SYT1: variants seen among roughly 807,000 people sequenced by gnomAD.
SYT1 encodes synaptotagmin 1, also known as synaptotagmin-1.
A neutral mutation model predicts 44.8 loss-of-function variants in SYT1; 8 were observed. That is an observed-to-expected ratio of 0.18 (90% CI 0.10 to 0.32). SYT1 has a LOEUF of 0.32. Among genes scored for constraint, SYT1 ranks in the 10% least tolerant of loss-of-function variants. The pLI, the probability that SYT1 is intolerant of heterozygous loss-of-function variation, is 1.00. For synonymous variants in SYT1, 154 were observed against 188.8 expected (o/e 0.82, Z 1.51); for missense variants, 286 against 509.3 (o/e 0.56, Z 4.22).
intron 3 of SYT1, among the ~76,000 whole-genome samples, chr12:79,067,433 T>C (rs753887232): frequency 8.5e-4 from 130 of 152,146 alleles, no homozygotes; most frequent in South Asian, 4.1e-4. Flanking sequence ...TAGGAAACTA[T>C]ATCTATATAA....
At chr12:78,983,659 A>G (rs990680362) in intron 2 of SYT1, among the ~76,000 whole-genome samples, 23 of 152,122 alleles carry the variant, frequency 1.5e-4, no homozygotes, top group South Asian at 8.3e-4. Context: ...TTGTGTACAC[A>G]TATAAATGTC....
chr12:79,354,041 C>T (rs536575371), intron 9 of SYT1, among the ~76,000 whole-genome samples: 62 of 152,210 alleles, frequency 4.1e-4, no homozygotes, highest in African/African-American at 1.2e-3. Context: ...ATAGTTCCTA[C>T]GATACCATTT....
intron 8 of SYT1, among the ~76,000 whole-genome samples, chr12:79,339,128 TAC>T (rs781299775): frequency 6.6e-6 from 1 of 152,196 alleles, no homozygotes; most frequent in Admixed American, 6.5e-5. Flanking sequence ...GCAATAAACA[TAC>T]GTGTGCATGT....
chr12:78,967,518 G>A (rs1372072130), intron 1 of SYT1, among the ~76,000 whole-genome samples: 1 of 152,196 alleles, frequency 6.6e-6, no homozygotes, highest in Non-Finnish European at 1.5e-5. Flanking sequence ...ACAATTAGAT[G>A]TGAGAGTGGA....
At chr12:79,057,171 T>C (rs894882948) in intron 3 of SYT1, among the ~76,000 whole-genome samples, 1 of 152,102 alleles carries the variant, frequency 6.6e-6, no homozygotes, top group African/African-American at 2.4e-5. Flanking sequence ...TTCTTTTCTA[T>C]TCTGAAAGAT....
intron 9 of SYT1, among the ~76,000 whole-genome samples, chr12:79,362,840 C>A (rs961842108): frequency 1.3e-5 from 2 of 152,116 alleles, no homozygotes; most frequent in African/African-American, 4.8e-5. Context: ...CTCAAAAATT[C>A]TTTGTCAAAT....
intron 3 of SYT1, among the ~76,000 whole-genome samples, chr12:79,048,151 T>A (rs539440736): frequency 3.1e-4 from 47 of 152,014 alleles, no homozygotes; most frequent in Non-Finnish European, 6.0e-4. Context: ...TCAAACTCAA[T>A]GTTTCAAAAG....
At chr12:78,894,465 A>AC (rs1487656118) in intron 1 of SYT1, among the ~76,000 whole-genome samples, 1 of 149,942 alleles carries the variant, frequency 6.7e-6, no homozygotes, top group African/African-American at 2.4e-5. Flanking sequence ...TAACATACAC[A>AC]AAAAAAAGTC....
At chr12:79,104,235 T>C (rs926934939) in intron 3 of SYT1, among the ~76,000 whole-genome samples, 2 of 152,072 alleles carry the variant, frequency 1.3e-5, no homozygotes, top group African/African-American at 4.8e-5. Flanking sequence ...GAGTTCTTTT[T>C]TCAAATTTAA....
intron 8 of SYT1, among the ~76,000 whole-genome samples, chr12:79,344,331 A>G (rs1480333434): frequency 2.0e-5 from 3 of 152,176 alleles, no homozygotes; most frequent in Non-Finnish European, 2.9e-5. Context: ...AAGTGCCTAG[A>G]ACAGTGCCTG....
chr12:79,270,490 T>C (rs1295547991), intron 4 of SYT1, among the ~76,000 whole-genome samples: 2 of 152,188 alleles, frequency 1.3e-5, no homozygotes, highest in East Asian at 1.9e-4. Context: ...TCTGGGACTG[T>C]TACAAATGTA....
At chr12:79,189,597 G>C (rs1045693109) in intron 3 of SYT1, among the ~76,000 whole-genome samples, 1 of 151,860 alleles carries the variant, frequency 6.6e-6, no homozygotes, top group Non-Finnish European at 1.5e-5. Flanking sequence ...ATTATCCCTG[G>C]TTTACCCATG....
chr12:78,947,380 A>T (rs575891317), intron 1 of SYT1, among the ~76,000 whole-genome samples: 2 of 151,556 alleles, frequency 1.3e-5, no homozygotes, highest in Non-Finnish European at 2.9e-5. Flanking sequence ...CGTGACCTAG[A>T]ATTGGAAACC....
intron 3 of SYT1, among the ~76,000 whole-genome samples, chr12:79,074,248 T>A (rs1409650678): frequency 6.6e-6 from 1 of 152,196 alleles, no homozygotes; most frequent in Non-Finnish European, 1.5e-5. Context: ...TTTAACATTC[T>A]ATCACACTGT....
intron 3 of SYT1, among the ~76,000 whole-genome samples, chr12:79,107,632 C>T (rs1399783434): frequency 6.6e-6 from 1 of 151,866 alleles, no homozygotes; most frequent in East Asian, 1.9e-4. Flanking sequence ...TTATTCTTTG[C>T]AGAGCTCATG....
At chr12:79,250,808 C>T (rs1877163649) in intron 4 of SYT1, among the ~76,000 whole-genome samples, 1 of 152,168 alleles carries the variant, frequency 6.6e-6, no homozygotes, top group African/African-American at 2.4e-5. Context: ...AAGCTGGACA[C>T]CAAAGGGCAA....
At chr12:79,062,698 A>T (rs1025947053) in intron 3 of SYT1, among the ~76,000 whole-genome samples, 2 of 152,200 alleles carry the variant, frequency 1.3e-5, no homozygotes, top group African/African-American at 4.8e-5. Context: ...GGAATGTGAG[A>T]TGGCTTGGAT....
At chr12:79,307,397 T>C (rs2138910927) in intron 8 of SYT1, among the ~76,000 whole-genome samples, 1 of 152,314 alleles carries the variant, frequency 6.6e-6, no homozygotes, top group East Asian at 1.9e-4. Flanking sequence ...TTTCACTGAT[T>C]TCATCATATA....
chr12:79,318,538 C>G (rs1180263694), intron 8 of SYT1, among the ~76,000 whole-genome samples: 1 of 152,160 alleles, frequency 6.6e-6, no homozygotes, highest in Non-Finnish European at 1.5e-5. Flanking sequence ...GCGAAAGGCC[C>G]CACGTACAAT....
Sources: gnomAD v4.1 joint callset for allele counts (sites outside exome capture counted in the v4.1 genomes callset) on GRCh38, gnomAD v4.1.1 for gene constraint, MANE v1.5 for transcripts, NCBI Gene and HGNC (gene_info 2026-07-23, HGNC 2026-07-21) for gene names.